Variants in PKNOX2 observed in about 807,000 individuals in gnomAD.
The protein encoded by PKNOX2 is homeobox protein PKNOX2.
Under a neutral mutation model 53.1 loss-of-function variants are expected in PKNOX2, and 14 were observed. The ratio of observed to expected loss-of-function variants is 0.26; its 90% confidence interval spans 0.17 to 0.41. The LOEUF (loss-of-function observed/expected upper bound fraction) is 0.41. Ranked by LOEUF, PKNOX2 falls within the 10% of genes least tolerant of loss-of-function variation. The pLI, the probability that PKNOX2 is intolerant of heterozygous loss-of-function variation, is 1.00. For missense variants in PKNOX2, 496 were observed against 602.8 expected, an observed-to-expected ratio of 0.82 and a Z score of 1.85; for synonymous variants, 257 against 242.8, an observed-to-expected ratio of 1.06 and a Z score of -0.54.
chr11:125,328,174 C>T (rs1012712671), intron 2 of PKNOX2, among the ~76,000 whole-genome samples: 2 of 152,358 alleles, frequency 1.3e-5, no homozygotes, highest in Non-Finnish European at 2.9e-5. Context: ...CTCCCCTCCC[C>T]AGCCCTGACC....
intron 1 of PKNOX2, among the ~76,000 whole-genome samples, chr11:125,230,394 A>C (rs907576762): frequency 1.3e-5 from 2 of 152,252 alleles, no homozygotes; most frequent in African/African-American, 4.8e-5. Flanking sequence ...ATGAGGGTGC[A>C]CGGGTGGAAC....
rs185643048 is a variant in PKNOX2, at chr11:125,330,788, C to T, written c.-129-1031C>T. 7.8e-4 allele frequency among the ~76,000 whole-genome samples: 119 copies of T among 152,318 alleles called. No individual in the cohort carries two copies. In the East Asian group the frequency reaches 0.016, roughly 21 times the overall value. On this transcript the variant is annotated intron_variant, in intron 2 of 12. Coordinates refer to ENST00000298282, the MANE Select transcript of PKNOX2 (RefSeq NM_001382323.2). ...AATTTCCACCACCCCTTGCAGCTCC[C>T]GGCCTGGCCCACTGTTTAGCTCCTC...
At chr11:125,219,953 C>T (rs1249268542) in intron 1 of PKNOX2, among the ~76,000 whole-genome samples, 1 of 152,186 alleles carries the variant, frequency 6.6e-6, no homozygotes, top group African/African-American at 2.4e-5. Context: ...TAAGTACCTT[C>T]TTTGTAACAT....
intron 1 of PKNOX2, among the ~76,000 whole-genome samples, chr11:125,173,765 A>G (rs1955501569): frequency 6.6e-6 from 1 of 152,196 alleles, no homozygotes; most frequent in African/African-American, 2.4e-5. Flanking sequence ...CCCAGGTGTA[A>G]GCTGGACCCC....
chr11:125,197,872 GC>G (rs2135385894), intron 1 of PKNOX2, among the ~76,000 whole-genome samples: 1 of 152,316 alleles, frequency 6.6e-6, no homozygotes, highest in Admixed American at 6.5e-5. Flanking sequence ...CAGACGTGCT[GC>G]CGTCACCTCT....
chr11:125,217,084 G>A (rs1481261103), intron 1 of PKNOX2, among the ~76,000 whole-genome samples: 2 of 151,252 alleles, frequency 1.3e-5, no homozygotes, highest in Non-Finnish European at 2.9e-5. Context: ...TACACACAGA[G>A]TCACACTCAC....
intron 2 of PKNOX2, among the ~76,000 whole-genome samples, chr11:125,290,357 G>T (rs1171153968): frequency 1.3e-5 from 2 of 152,206 alleles, no homozygotes; most frequent in Admixed American, 6.5e-5. Flanking sequence ...GTGGCTTGAA[G>T]CACACTTTTT....
chr11:125,354,083 G>A (rs533621018), intron 4 of PKNOX2, among the ~76,000 whole-genome samples: 154 of 152,316 alleles, frequency 1.0e-3, no homozygotes, highest in African/African-American at 3.3e-3. Flanking sequence ...CAGCTCTTCC[G>A]TGCATGCCTG....
intron 2 of PKNOX2, among the ~76,000 whole-genome samples, chr11:125,253,385 A>C (rs1229957663): frequency 6.6e-6 from 1 of 152,084 alleles, no homozygotes; most frequent in Non-Finnish European, 1.5e-5. Context: ...AGAATGAAAG[A>C]AGGAAGGAGA....
chr11:125,305,217 G>A (rs1428287710), intron 2 of PKNOX2, among the ~76,000 whole-genome samples: 1 of 152,178 alleles, frequency 6.6e-6, no homozygotes, highest in African/African-American at 2.4e-5. Context: ...TGCCACTCCG[G>A]CTTCAGCCTT....
intron 3 of PKNOX2, among the ~76,000 whole-genome samples, chr11:125,339,494 A>G (rs2136145460): frequency 6.6e-6 from 1 of 152,328 alleles, no homozygotes; most frequent in African/African-American, 2.4e-5. Context: ...GACAGATTTC[A>G]TTCCAGAACA....
intron 6 of PKNOX2, among the ~76,000 whole-genome samples, chr11:125,389,389 G>A (rs549647213): frequency 6.6e-6 from 1 of 152,216 alleles, no homozygotes; most frequent in East Asian, 1.9e-4. Context: ...AAGTGCCCCC[G>A]ATATCTCTTT....
chr11:125,350,782 G>T (rs1396390701), intron 3 of PKNOX2, among the ~76,000 whole-genome samples: 2 of 152,206 alleles, frequency 1.3e-5, no homozygotes, highest in Non-Finnish European at 2.9e-5. Context: ...CGAGCTTGGT[G>T]CTTGGGGACC....
chr11:125,255,120 C>T (rs529215945), intron 2 of PKNOX2, among the ~76,000 whole-genome samples: 1 of 152,286 alleles, frequency 6.6e-6, no homozygotes, highest in East Asian at 1.9e-4. Context: ...AATAAGGCTG[C>T]CCAGGAGGGA....
chr11:125,280,426 G>A (rs768311352), intron 2 of PKNOX2, among the ~76,000 whole-genome samples: 6 of 152,116 alleles, frequency 3.9e-5, no homozygotes, highest in Non-Finnish European at 5.9e-5. Flanking sequence ...TCTGCCCAGG[G>A]GCAAGGAGAG....
intron 2 of PKNOX2, among the ~76,000 whole-genome samples, chr11:125,262,141 C>T (rs1944901239): frequency 6.6e-6 from 1 of 152,146 alleles, no homozygotes. Context: ...TCACAAGACG[C>T]CTTTGGTGTC....
intron 1 of PKNOX2, among the ~76,000 whole-genome samples, chr11:125,172,883 A>G (rs1955431556): frequency 6.6e-6 from 1 of 152,222 alleles, no homozygotes; most frequent in Non-Finnish European, 1.5e-5. Context: ...TGCCTGGGAC[A>G]AATGGATGTT....
intron 5 of PKNOX2, among the ~76,000 whole-genome samples, chr11:125,376,842 CTG>C (rs1227959946): frequency 6.6e-6 from 1 of 152,202 alleles, no homozygotes; most frequent in African/African-American, 2.4e-5. Context: ...GCACAAACGA[CTG>C]TGCTTAGTAG....
intron 1 of PKNOX2, among the ~76,000 whole-genome samples, chr11:125,194,227 T>C (rs1181911077): frequency 6.6e-6 from 1 of 152,210 alleles, no homozygotes; most frequent in Non-Finnish European, 1.5e-5. Context: ...TAGGGCCCTC[T>C]GGGCTGGAGA....
Sources: allele counts gnomAD v4.1 joint callset (sites outside exome capture counted in the v4.1 genomes callset), GRCh38; gene constraint gnomAD v4.1.1; transcripts MANE v1.5; gene names NCBI Gene and HGNC (gene_info 2026-07-23, HGNC 2026-07-21).